Variants in CSMD2 observed in about 807,000 individuals in gnomAD.
CSMD2 encodes CUB and Sushi multiple domains 2.
In CSMD2, 130 loss-of-function variants were observed where a neutral mutation model predicts 398.5. That is an observed-to-expected ratio of 0.33 (90% CI 0.28 to 0.38). The LOEUF is 0.38. Among genes scored for constraint, CSMD2 ranks in the 10% least tolerant of loss-of-function variants. CSMD2 has a pLI of 1.00. For synonymous variants in CSMD2, 1,828 were observed against 1,908.5 expected, an observed-to-expected ratio of 0.96 and a Z score of 1.10; for missense variants, 3,829 against 4,764.9, an observed-to-expected ratio of 0.80 and a Z score of 5.78.
rs111228399 is a variant in CSMD2 at position 34,083,911 on chromosome 1, G to C, written c.404+5066C>G. On this transcript the variant is annotated intron_variant, in intron 2 of 70. Coordinates refer to ENST00000373381, the MANE Select transcript of CSMD2 (RefSeq NM_001281956.2). ...TCCAGCCTCACTAGTAAAGCATGTA[G>C]AACAATGCCTGATACACATTAAAGA... 8.3e-3 allele frequency among the ~76,000 whole-genome samples: 1,269 copies of C among 151,994 alleles called. 20 individuals carry two copies. The highest frequency in any genetic ancestry group is 0.027 in the African/African-American group (1,133 of 41,420).
chr1:33,565,712 G>A (rs961049486), intron 53 of CSMD2, among the ~76,000 whole-genome samples: 43 of 152,070 alleles, frequency 2.8e-4, no homozygotes, highest in African/African-American at 1.4e-4. Context: ...CATGTGAAGC[G>A]TAAGAAAAAT....
At chr1:33,840,285 A>G (rs537561321) in intron 6 of CSMD2, 2 of 152,334 alleles carry the variant, frequency 1.3e-5, no homozygotes, top group East Asian at 1.9e-4. Context: ...TTGATAGCCT[A>G]TGCGGCCTAA....
intron 4 of CSMD2, among the ~76,000 whole-genome samples, chr1:33,923,162 T>C (rs532431424): frequency 3.4e-4 from 52 of 152,278 alleles, no homozygotes; most frequent in Middle Eastern, 6.8e-3. Flanking sequence ...TAGTAGGTGA[T>C]ATAGTTTGAA....
chr1:34,129,394 G>A (rs983660549), intron 1 of CSMD2, among the ~76,000 whole-genome samples: 1 of 152,222 alleles, frequency 6.6e-6, no homozygotes, highest in Non-Finnish European at 1.5e-5. Flanking sequence ...GCTCACGCCT[G>A]TAATCCCAGC....
At chr1:34,037,953 A>G (rs1012833926) in intron 2 of CSMD2, among the ~76,000 whole-genome samples, 1 of 152,226 alleles carries the variant, frequency 6.6e-6, no homozygotes. Context: ...GCAGCTTGCT[A>G]GGCATTTTCT....
At chr1:33,888,759 G>T (rs1008283200) in intron 5 of CSMD2, among the ~76,000 whole-genome samples, 1 of 149,818 alleles carries the variant, frequency 6.7e-6, no homozygotes, top group Non-Finnish European at 1.5e-5. Flanking sequence ...ACTGATTTTT[G>T]TTGTTGTTGT....
chr1:33,679,012 C>T (rs1571198229), intron 25 of CSMD2, among the ~76,000 whole-genome samples: 2 of 152,252 alleles, frequency 1.3e-5, no homozygotes, highest in Admixed American at 1.3e-4. Context: ...GGCCAGCTGC[C>T]CTCTCTTCCT....
At chr1:33,971,416 C>T (rs1427206161) in intron 3 of CSMD2, among the ~76,000 whole-genome samples, 1 of 152,376 alleles carries the variant, frequency 6.6e-6, no homozygotes, top group Non-Finnish European at 1.5e-5. Flanking sequence ...TGACACTGCT[C>T]ACAGGCTGGG....
chr1:34,066,743 G>A (rs1655157941), intron 2 of CSMD2, among the ~76,000 whole-genome samples: 1 of 152,144 alleles, frequency 6.6e-6, no homozygotes, highest in Admixed American at 6.5e-5. Flanking sequence ...CTGCAGCACA[G>A]TAGGCATCTG....
At chr1:34,015,975 T>A (rs1252085092) in intron 3 of CSMD2, among the ~76,000 whole-genome samples, 2 of 152,114 alleles carry the variant, frequency 1.3e-5, no homozygotes, top group East Asian at 3.9e-4. Context: ...TCCTCCTCTA[T>A]CTTTTGAAAG....
chr1:33,928,229 A>G (rs541997491), intron 4 of CSMD2, among the ~76,000 whole-genome samples: 23 of 152,148 alleles, frequency 1.5e-4, no homozygotes, highest in Non-Finnish European at 3.1e-4. Context: ...CACCACTCTC[A>G]AGCTGTGTAA....
chr1:33,540,379 CT>C, intron 60 of CSMD2, 145 bp downstream of exon 60: 1 of 735,030 alleles, frequency 1.4e-6, no homozygotes. Flanking sequence ...ACTTCCTTCC[CT>C]CTTTAATAGT....
At chr1:34,160,266 C>T (rs1032639416) in intron 1 of CSMD2, among the ~76,000 whole-genome samples, 2 of 152,222 alleles carry the variant, frequency 1.3e-5, no homozygotes, top group Non-Finnish European at 2.9e-5. Flanking sequence ...GGGCACTCTC[C>T]GCTGCAGTCA....
intron 2 of CSMD2, among the ~76,000 whole-genome samples, chr1:34,070,477 G>A (rs1039603959): frequency 6.6e-5 from 10 of 152,196 alleles, no homozygotes; most frequent in Non-Finnish European, 1.3e-4. Flanking sequence ...GGGCTTATGA[G>A]CCATTCTGAA....
At chr1:33,935,978 G>C in intron 3 of CSMD2, 24 bp from the exon 4 acceptor site, 4 of 1,589,106 alleles carry the variant, frequency 2.5e-6, no homozygotes, top group Middle Eastern at 3.4e-4. Context: ...CAGAGAAAGA[G>C]ACGGGTACCC....
intron 24 of CSMD2, among the ~76,000 whole-genome samples, chr1:33,693,888 T>C (rs1645325567): frequency 6.6e-6 from 1 of 151,956 alleles, no homozygotes; most frequent in Non-Finnish European, 1.5e-5. Flanking sequence ...AGAAACCCCA[T>C]CTCTACTAAA....
At chr1:33,603,137 C>A (rs958298479) in intron 42 of CSMD2, among the ~76,000 whole-genome samples, 4 of 152,034 alleles carry the variant, frequency 2.6e-5, no homozygotes, top group Non-Finnish European at 4.4e-5. Flanking sequence ...AAGAATACCT[C>A]CCCCATAGGA....
chr1:33,691,690 T>A (rs1645246308), intron 25 of CSMD2, among the ~76,000 whole-genome samples: 1 of 152,118 alleles, frequency 6.6e-6, no homozygotes, highest in African/African-American at 2.4e-5. Context: ...TGTCTCCCCA[T>A]GAGCTCTCTA....
chr1:33,579,449 G>A (rs1570803740), intron 48 of CSMD2, among the ~76,000 whole-genome samples: 1 of 152,086 alleles, frequency 6.6e-6, no homozygotes, highest in Admixed American at 6.5e-5. Flanking sequence ...GATGGACTTT[G>A]CAGAGGATAT....
Sources: gnomAD v4.1 joint callset for allele counts (sites outside exome capture counted in the v4.1 genomes callset) on GRCh38, gnomAD v4.1.1 for gene constraint, MANE v1.5 for transcripts, NCBI Gene and HGNC (gene_info 2026-07-23, HGNC 2026-07-21) for gene names.